Variants in ZBBX observed in about 807,000 individuals in gnomAD.
ZBBX encodes the protein zinc finger B-box domain-containing protein 1.
Under a neutral mutation model 108.5 loss-of-function variants are expected in ZBBX, and 101 were observed. The observed-to-expected ratio is 0.93, with a 90% CI of 0.79 to 1.10. The LOEUF (loss-of-function observed/expected upper bound fraction) is 1.10. ZBBX is among the 50% of genes least tolerant of loss of function. The pLI is 0.00. For missense variants in ZBBX, 1,009 were observed against 941.4 expected, an observed-to-expected ratio of 1.07 and a Z score of -0.94; for synonymous variants, 356 against 323.4, an observed-to-expected ratio of 1.10 and a Z score of -1.08.
rs1720400370 is a variant in ZBBX, at chr3:167,239,887, G to T, written c.*906C>A. Among the ~76,000 whole-genome samples, 1 of 152,190 alleles carries T rather than the reference G, an allele frequency of 6.6e-6. No individual in the cohort carries two copies. Among genetic ancestry groups the T allele is most frequent in the African/African-American group, 2.4e-5 (1 of 41,526 alleles). ...GTTTAATTGACTCACAGTTCAGCAT[G>T]GTGGGGGAGGCCTCAGGAAATCATG... is the stretch of plus-strand genomic sequence containing the variant. On this transcript the variant is annotated 3_prime_UTR_variant, in exon 22 of 22. Transcript: ENST00000675490.
the ZBBX span, among the ~76,000 whole-genome samples, chr3:167,199,161 G>GT: frequency 1.3e-5 from 2 of 152,152 alleles, no homozygotes; most frequent in Non-Finnish European, 2.9e-5. Context: ...GGCCACCTTT[G>GT]TGGGCAACTG....
chr3:167,382,967 A>G (rs767557521), upstream of ZBBX, among the ~76,000 whole-genome samples: 7 of 152,094 alleles, frequency 4.6e-5, no homozygotes, highest in Non-Finnish European at 7.4e-5. Context: ...ATTTTATCTC[A>G]ATTCCTATAT....
At chr3:167,234,140 G>A in the ZBBX span, among the ~76,000 whole-genome samples, 39 of 151,748 alleles carry the variant, frequency 2.6e-4, no homozygotes, top group South Asian at 2.1e-4. Flanking sequence ...ACTGCTTTAC[G>A]GGAACAGAAT....
At chr3:167,401,726 G>A (rs1337397008) in intron 1 of ZBBX, among the ~76,000 whole-genome samples, 1 of 152,070 alleles carries the variant, frequency 6.6e-6, no homozygotes, top group Non-Finnish European at 1.5e-5. Flanking sequence ...TATCAGCAAG[G>A]TCTTTATGAC....
At chr3:167,358,549 A>C (rs1161528596) in intron 8 of ZBBX, among the ~76,000 whole-genome samples, 1 of 152,178 alleles carries the variant, frequency 6.6e-6, no homozygotes, top group Non-Finnish European at 1.5e-5. Flanking sequence ...ATAATTTTTT[A>C]AATGTTCATG....
At chr3:167,331,098 C>A (rs1738544397) in intron 10 of ZBBX, among the ~76,000 whole-genome samples, 1 of 151,948 alleles carries the variant, frequency 6.6e-6, no homozygotes. Flanking sequence ...TTATCTGGGA[C>A]TTCTAGACTA....
chr3:167,405,143 T>C (rs1172351145), intron 1 of ZBBX, among the ~76,000 whole-genome samples: 1 of 152,200 alleles, frequency 6.6e-6, no homozygotes, highest in Non-Finnish European at 1.5e-5. Flanking sequence ...TTTTGGACAC[T>C]TTTGAAATGT....
At chr3:167,253,294 A>G (rs1489996634) in intron 20 of ZBBX, among the ~76,000 whole-genome samples, 1 of 152,194 alleles carries the variant, frequency 6.6e-6, no homozygotes, top group Admixed American at 6.5e-5. Flanking sequence ...ACAGTCATAA[A>G]AAGAACAGGC....
chr3:167,380,138 G>C (rs1171228181), intron 1 of ZBBX, 109 bp downstream of exon 1: 1 of 152,588 alleles, frequency 6.6e-6, no homozygotes, highest in Admixed American at 6.5e-5. Flanking sequence ...CTGCTTCCCA[G>C]CCGCGCTGCC....
At chr3:167,354,880 G>T (rs1427071396) in intron 8 of ZBBX, among the ~76,000 whole-genome samples, 1 of 151,906 alleles carries the variant, frequency 6.6e-6, no homozygotes, top group Non-Finnish European at 1.5e-5. Flanking sequence ...GAAGATCAAT[G>T]CTGGACTTGC....
chr3:167,317,671 T>C, intron 12 of ZBBX, 74 bp from the exon 13 acceptor site: 1 of 947,718 alleles, frequency 1.1e-6, no homozygotes, highest in Non-Finnish European at 1.6e-6. Context: ...GCTCTTGATT[T>C]ATTTATCAAA....
chr3:167,315,563 G>A (rs1340494766), intron 15 of ZBBX, among the ~76,000 whole-genome samples, 187 bp downstream of exon 15: 1 of 152,120 alleles, frequency 6.6e-6, no homozygotes, highest in Non-Finnish European at 1.5e-5. Context: ...TTTTCTAATT[G>A]CTGAATGTTA....
In ZBBX at chr3:167,298,346, C is replaced by T. The variant is rs377062785; in HGVS notation, c.1838G>A (p.Arg613His). Residue 613 changes from arginine to histidine, a missense_variant, in exon 18 of 22, where the codon CGT becomes CAT. Physicochemically the swap from Arg to His is conservative, Grantham distance 29. Coordinates refer to ENST00000675490, the MANE Select transcript of ZBBX (RefSeq NM_001199201.2). ...AGTACTGGAATTGTTGCATTCTAAA[C>T]GATGAGAAGGAAGTAAGTTGAGTCT... Reference protein sequence around the residue: ...NERLNLLPSHRLECNNSSTRI... With the variant: ...NERLNLLPSHHLECNNSSTRI... 4.9e-5 allele frequency: 79 copies of T among 1,597,704 alleles called. No homozygotes were observed. The highest frequency in any genetic ancestry group is 1.3e-4 in the African/African-American group (10 of 74,204).
intron 9 of ZBBX, among the ~76,000 whole-genome samples, chr3:167,339,594 C>A (rs1031434360): frequency 3.9e-5 from 6 of 152,092 alleles, no homozygotes; most frequent in Non-Finnish European, 8.8e-5. Flanking sequence ...CTTCTCCTAG[C>A]CCTAATCTTC....
chr3:167,345,502 A>G (rs960366019), intron 9 of ZBBX, among the ~76,000 whole-genome samples: 2 of 152,026 alleles, frequency 1.3e-5, no homozygotes, highest in Non-Finnish European at 2.9e-5. Flanking sequence ...TAGAAAATTC[A>G]TACATTTTTT....
chr3:167,306,691 G>T (rs959020964), intron 16 of ZBBX, among the ~76,000 whole-genome samples: 1 of 152,042 alleles, frequency 6.6e-6, no homozygotes, highest in African/African-American at 2.4e-5. Context: ...TGATTATAGT[G>T]GGTAACACAG....
At chr3:167,264,106 G>A (rs1191499023) in intron 20 of ZBBX, among the ~76,000 whole-genome samples, 3 of 151,930 alleles carry the variant, frequency 2.0e-5, no homozygotes, top group Admixed American at 6.6e-5. Context: ...TATCTTTCAG[G>A]TAAAGTAAGT....
the ZBBX span, among the ~76,000 whole-genome samples, chr3:167,191,419 G>T: frequency 1.1e-3 from 171 of 152,232 alleles, 1 homozygote; most frequent in Non-Finnish European, 1.7e-3. Context: ...ATCTTGAATT[G>T]TAACTCCCAC....
chr3:167,193,370 G>A, the ZBBX span, among the ~76,000 whole-genome samples: 1 of 152,158 alleles, frequency 6.6e-6, no homozygotes, highest in Non-Finnish European at 1.5e-5. Flanking sequence ...TTCTGTTGCT[G>A]AACAGCCATT....
Sources: gnomAD v4.1 joint callset for allele counts (sites outside exome capture counted in the v4.1 genomes callset) on GRCh38, gnomAD v4.1.1 for gene constraint, MANE v1.5 for transcripts, NCBI Gene and HGNC (gene_info 2026-07-23, HGNC 2026-07-21) for gene names.